MRNIP: variants seen among roughly 807,000 people sequenced by gnomAD.
MRNIP encodes the protein MRN complex-interacting protein.
Under a neutral mutation model 29.8 loss-of-function variants are expected in MRNIP, and 30 were observed. That is an observed-to-expected ratio of 1.01 (90% CI 0.75 to 1.36). The LOEUF is 1.36. Ranked by LOEUF, MRNIP falls within the 40% of genes most tolerant of loss-of-function variation. The pLI is 0.00. For missense variants in MRNIP, 459 were observed against 423.5 expected (o/e 1.08, Z -0.74); for synonymous variants, 201 against 164.1 (o/e 1.23, Z -1.72).
intron 2 of MRNIP, among the ~76,000 whole-genome samples, chr5:179,848,722 TTACATA>T (rs1759230322): frequency 6.6e-6 from 1 of 152,202 alleles, no homozygotes; most frequent in African/African-American, 2.4e-5. Context: ...GCATACCGTT[TTACATA>T]AGGTGTTCAA....
At chr5:179,858,596 C>A (rs1759703149) in intron 1 of MRNIP, 135 bp downstream of exon 1, 1 of 593,492 alleles carries the variant, frequency 1.7e-6, no homozygotes, top group East Asian at 3.1e-5. Context: ...CCAATGAGAC[C>A]CGCCCTCAGC....
At chr5:179,842,278 G>A (rs1265939569) in intron 4 of MRNIP, among the ~76,000 whole-genome samples, 1 of 151,994 alleles carries the variant, frequency 6.6e-6, no homozygotes, top group Non-Finnish European at 1.5e-5. Context: ...GGCAGGGCAC[G>A]GCCCACCAAG....
intron 3 of MRNIP, 176 bp downstream of exon 3, chr5:179,847,802 C>T (rs553577426): frequency 1.8e-6 from 1 of 570,932 alleles, no homozygotes; most frequent in East Asian, 3.0e-5. Context: ...TTCTAAACAT[C>T]CCCGGGGTCG....
chr5:179,847,657 A>C (rs1382642329), intron 3 of MRNIP: 1 of 220,718 alleles, frequency 4.5e-6, no homozygotes, highest in Non-Finnish European at 9.0e-6. Context: ...CCAGCCACAA[A>C]CAAGAACAGC....
In MRNIP at chr5:179,837,472, C is replaced by T. The variant is rs1758641557; in HGVS notation, c.951G>A (p.Leu317=). Reference sequence around the variant, plus strand: ...GTCGAGGATTCTGTGCCTCCAGGACCAGGGGCCCACCCTCTGCCCAGGGAG... The same window carrying T: ...GTCGAGGATTCTGTGCCTCCAGGACTAGGGGCCCACCCTCTGCCCAGGGAG... ...ARTPWAEGGP[L]VLEAQNPRPT... is the part of the protein sequence containing the mutation. The change falls in exon 7 of 7, where the codon CTG becomes CTA. Residue 317 remains leucine (L), a synonymous_variant. Coordinates refer to ENST00000292586, the MANE Select transcript of MRNIP (RefSeq NM_016175.4). The T allele has an allele frequency of 1.9e-6, 3 of 1,613,420 alleles. No individual in the cohort carries two copies. The highest frequency in any genetic ancestry group is 2.5e-6 in the Non-Finnish European group (3 of 1,179,708).
intron 6 of MRNIP, chr5:179,840,029 A>G (rs1758811327): frequency 6.6e-6 from 1 of 152,018 alleles, no homozygotes; most frequent in Admixed American, 6.6e-5. Context: ...ACTGCAACCT[A>G]TGCCTCTCAG....
At chr5:179,855,911 T>G (rs376748956) in intron 1 of MRNIP, among the ~76,000 whole-genome samples, 22 of 147,418 alleles carry the variant, frequency 1.5e-4, no homozygotes, top group Middle Eastern at 3.4e-3. Flanking sequence ...AAAGTTGTTT[T>G]TTTTTTTTTT....
At position 179,858,620 on chromosome 5, in the gene MRNIP, C is replaced by T. The variant is rs985258203; in HGVS notation, c.66+111G>A. On this transcript the variant is annotated intron_variant, in intron 1 of 6. Transcript: ENST00000292586. ...CCCGCCCTCAGCGGTCCCTGCACTC[C>T]TTCGGGCCCGGTGCATCCCGGAGCC... 7.2e-6 allele frequency: 5 copies of T among 690,428 alleles called. No individual in the cohort carries two copies. In the Admixed American group the frequency reaches 1.5e-4, roughly 21 times the overall value. 42.8% of individuals were successfully genotyped at this position (690,428 alleles called of 1,614,324 possible).
intron 2 of MRNIP, among the ~76,000 whole-genome samples, chr5:179,848,566 A>G (rs1759223794): frequency 6.6e-6 from 1 of 152,218 alleles, no homozygotes; most frequent in Admixed American, 6.5e-5. Context: ...GGTAGACAAT[A>G]CAGGAATGGA....
chr5:179,854,617 C>G (rs574597793), intron 1 of MRNIP, among the ~76,000 whole-genome samples: 2 of 151,952 alleles, frequency 1.3e-5, no homozygotes, highest in African/African-American at 4.8e-5. Flanking sequence ...TCTCACAAAA[C>G]CAAATCCAAA....
At chr5:179,857,912 G>A (rs1354303053) in intron 1 of MRNIP, among the ~76,000 whole-genome samples, 3 of 151,776 alleles carry the variant, frequency 2.0e-5, no homozygotes, top group African/African-American at 7.3e-5. Flanking sequence ...TCGGGAGGCT[G>A]AGGCAGGAGA....
At chr5:179,846,424 C>T (rs980925282) in intron 3 of MRNIP, among the ~76,000 whole-genome samples, 2 of 152,048 alleles carry the variant, frequency 1.3e-5, no homozygotes, top group African/African-American at 4.8e-5. Flanking sequence ...GCTGGGATTA[C>T]AGGCGCCCGC....
intron 2 of MRNIP, 95 bp from the exon 3 acceptor site, chr5:179,848,161 T>A: frequency 1.1e-6 from 1 of 936,844 alleles, no homozygotes; most frequent in Non-Finnish European, 1.8e-6. Flanking sequence ...GACAAAGCTG[T>A]ATTCTGCAAG....
intron 2 of MRNIP, among the ~76,000 whole-genome samples, chr5:179,848,338 CACAA>C (rs1398976665): frequency 1.3e-5 from 2 of 152,070 alleles, no homozygotes; most frequent in Non-Finnish European, 2.9e-5. Flanking sequence ...CAAAGCCCTA[CACAA>C]AATGGTTAGT....
At chr5:179,858,294 C>T (rs408433) in intron 1 of MRNIP, among the ~76,000 whole-genome samples, 2,658 of 152,262 alleles carry the variant, frequency 0.017, 30 homozygotes, top group Middle Eastern at 0.041. Flanking sequence ...ATATCAAGTC[C>T]CTGGCCCCGC....
Position 179,837,533 on chromosome 5 carries a change from T to C in MRNIP, c.890A>G (p.Glu297Gly). The C allele has an allele frequency of 6.2e-7, 1 of 1,614,214 alleles. No individual in the cohort carries two copies. The highest frequency in any genetic ancestry group is 8.5e-7 in the Non-Finnish European group (1 of 1,180,030). Reference sequence around the variant, plus strand: ...CCATGAGGTCTTCCCGCAAGGCCTCTCAGACCCAGATGTGACGGGGTGTGT... The same window carrying C: ...CCATGAGGTCTTCCCGCAAGGCCTCCCAGACCCAGATGTGACGGGGTGTGT... ...RATHPVTSGS[E>G]RPCGKTSWDA... The change falls in exon 7 of 7, where the codon GAG (glutamate) becomes GGG (glycine). Residue 297 changes from glutamate (E) to glycine (G), a missense_variant. Glu to Gly is a moderately conservative substitution (Grantham distance 98). Transcript: ENST00000292586.
chr5:179,851,409 A>C (rs269460), intron 2 of MRNIP: 14,193 of 455,968 alleles, frequency 0.031, 1,604 homozygotes, highest in African/African-American at 0.25. Context: ...TGGAGCAGAG[A>C]ATCTGACTGA....
rs541354577 is a variant in MRNIP, at chr5:179,837,745, G to A, written c.678C>T (p.Ser226=). Residue 226 remains serine (S), a synonymous_variant, in exon 7 of 7, where the codon TCC becomes TCT. Coordinates refer to ENST00000292586, the MANE Select transcript of MRNIP (RefSeq NM_016175.4). ...GCAGGACAAATTGCGCCCATTTAGA[G>A]GATGTGGCTGTAACCTGCTGGATGG... ...WSPIQQVTAT[S]SKWAQFVLPP... is the part of the protein sequence containing the mutation. The A allele has an allele frequency of 1.2e-6, 2 of 1,614,242 alleles. No individual in the cohort carries two copies. The highest frequency in any genetic ancestry group is 1.7e-5 in the Admixed American group (1 of 60,034).
intron 4 of MRNIP, among the ~76,000 whole-genome samples, chr5:179,843,449 T>C (rs879926036): frequency 9.2e-5 from 14 of 152,100 alleles, no homozygotes; most frequent in African/African-American, 2.2e-4. Context: ...TATAACAAAG[T>C]GTGAGTCTGG....
Sources: allele counts gnomAD v4.1 joint callset (sites outside exome capture counted in the v4.1 genomes callset), GRCh38; gene constraint gnomAD v4.1.1; transcripts MANE v1.5; gene names NCBI Gene and HGNC (gene_info 2026-07-23, HGNC 2026-07-21).